REDIC1: variants seen among roughly 807,000 people sequenced by gnomAD.
REDIC1 encodes regulator of DNA class I crossover intermediates 1.
the REDIC1 span, among the ~76,000 whole-genome samples, chr12:39,771,235 G>C: frequency 6.6e-6 from 1 of 152,094 alleles, no homozygotes; most frequent in East Asian, 1.9e-4. Flanking sequence ...GCCTTGTGTA[G>C]TTCCTTTTTC....
At chr12:39,725,841 C>T in the REDIC1 span, among the ~76,000 whole-genome samples, 3 of 151,862 alleles carry the variant, frequency 2.0e-5, no homozygotes, top group South Asian at 2.1e-4. Context: ...TGAGATAATA[C>T]ACACAGCGAA....
chr12:39,863,742 T>A, the REDIC1 span, among the ~76,000 whole-genome samples: 1 of 152,128 alleles, frequency 6.6e-6, no homozygotes, highest in African/African-American at 2.4e-5. Context: ...ATAAAAGTCG[T>A]GCTATGATGC....
chr12:39,659,481 A>G, the REDIC1 span, among the ~76,000 whole-genome samples: 1 of 151,100 alleles, frequency 6.6e-6, no homozygotes, highest in Non-Finnish European at 1.5e-5. Flanking sequence ...TTTTTCTCTC[A>G]TTGTTTTATT....
chr12:39,882,710 C>T, the REDIC1 span, among the ~76,000 whole-genome samples: 1 of 152,276 alleles, frequency 6.6e-6, no homozygotes, highest in South Asian at 2.1e-4. Flanking sequence ...CATACCCGAC[C>T]AGTCTACATT....
chr12:39,711,501 GTA>G, the REDIC1 span, among the ~76,000 whole-genome samples: 71 of 137,786 alleles, frequency 5.2e-4, no homozygotes, highest in African/African-American at 1.4e-3. Flanking sequence ...ATATAAGTAT[GTA>G]TATATGTGTA....
the REDIC1 span, among the ~76,000 whole-genome samples, chr12:39,674,315 C>G: frequency 6.6e-6 from 1 of 152,172 alleles, no homozygotes; most frequent in Admixed American, 6.5e-5. Context: ...GTCCACATCT[C>G]TTAGAGAGTG....
At chr12:39,693,072 A>G in the REDIC1 span, among the ~76,000 whole-genome samples, 1 of 152,042 alleles carries the variant, frequency 6.6e-6, no homozygotes, top group Middle Eastern at 3.2e-3. Context: ...TCATTTGCTC[A>G]TGTTCCTTTT....
chr12:39,672,703 A>G, the REDIC1 span, among the ~76,000 whole-genome samples: 2 of 152,088 alleles, frequency 1.3e-5, no homozygotes, highest in Non-Finnish European at 2.9e-5. Flanking sequence ...ACTGTGGGCT[A>G]GAGTACTGGG....
At chr12:39,875,198 T>G in the REDIC1 span, among the ~76,000 whole-genome samples, 2 of 152,184 alleles carry the variant, frequency 1.3e-5, no homozygotes, top group Non-Finnish European at 2.9e-5. Context: ...AAATCACAGG[T>G]GTCAGTAGAG....
the REDIC1 span, among the ~76,000 whole-genome samples, chr12:39,882,771 T>C: frequency 3.3e-5 from 5 of 152,350 alleles, no homozygotes; most frequent in African/African-American, 1.2e-4. Context: ...AAATTCCTTC[T>C]ACATTTGCTG....
At chr12:39,713,547 C>T in the REDIC1 span, among the ~76,000 whole-genome samples, 58 of 149,886 alleles carry the variant, frequency 3.9e-4, no homozygotes, top group South Asian at 1.5e-3. Context: ...CATACGTATA[C>T]ATGCGTGCAT....
chr12:39,699,335 T>C, the REDIC1 span, among the ~76,000 whole-genome samples: 1 of 151,962 alleles, frequency 6.6e-6, no homozygotes, highest in Non-Finnish European at 1.5e-5. Flanking sequence ...AAGAAAGGGG[T>C]GACAGACGGC....
the REDIC1 span, among the ~76,000 whole-genome samples, chr12:39,836,195 T>C: frequency 6.6e-6 from 1 of 152,078 alleles, no homozygotes; most frequent in African/African-American, 2.4e-5. Flanking sequence ...TTTTTCTCAA[T>C]TGTAGACACC....
chr12:39,800,463 G>A, the REDIC1 span, among the ~76,000 whole-genome samples: 3 of 139,208 alleles, frequency 2.2e-5, no homozygotes, highest in Non-Finnish European at 4.6e-5. Context: ...CTCAAAAGAA[G>A]ACATTTATGC....
the REDIC1 span, among the ~76,000 whole-genome samples, chr12:39,878,494 G>C: frequency 2.0e-5 from 3 of 152,202 alleles, no homozygotes; most frequent in Admixed American, 2.0e-4. Flanking sequence ...CCTTAGCAAA[G>C]AACTTGGCTG....
the REDIC1 span, among the ~76,000 whole-genome samples, chr12:39,873,336 A>C: frequency 1.3e-5 from 2 of 152,224 alleles, no homozygotes; most frequent in African/African-American, 4.8e-5. Flanking sequence ...CAGAGTGTAA[A>C]GTGATGATAA....
the REDIC1 span, among the ~76,000 whole-genome samples, chr12:39,735,533 A>C: frequency 6.6e-6 from 1 of 152,252 alleles, no homozygotes. Flanking sequence ...TAATATATAA[A>C]GAAGCCAGAA....
chr12:39,769,655 C>T, the REDIC1 span, among the ~76,000 whole-genome samples: 5 of 151,986 alleles, frequency 3.3e-5, no homozygotes, highest in African/African-American at 7.3e-5. Flanking sequence ...TCTGGGGTCA[C>T]GTTCCATCAA....
At chr12:39,870,858 G>C in the REDIC1 span, among the ~76,000 whole-genome samples, 207 of 152,246 alleles carry the variant, frequency 1.4e-3, no homozygotes, top group African/African-American at 4.7e-3. Flanking sequence ...CTGATAACTG[G>C]GTTTGGAACT....
Sources: gnomAD v4.1 joint callset for allele counts (sites outside exome capture counted in the v4.1 genomes callset) on GRCh38, gnomAD v4.1.1 for gene constraint, MANE v1.5 for transcripts, NCBI Gene and HGNC (gene_info 2026-07-23, HGNC 2026-07-21) for gene names.